Variants in ATOSA observed in about 807,000 individuals in gnomAD.
ATOSA encodes the protein atos homolog A, also known as atos homolog protein A.
At chr15:52,696,147 G>A in the ATOSA span, among the ~76,000 whole-genome samples, 2 of 152,162 alleles carry the variant, frequency 1.3e-5, no homozygotes, top group African/African-American at 4.8e-5. Context: ...GAGACACATG[G>A]AAACTAACTA....
At chr15:52,684,152 A>G in the ATOSA span, among the ~76,000 whole-genome samples, 1 of 152,220 alleles carries the variant, frequency 6.6e-6, no homozygotes, top group East Asian at 1.9e-4. Flanking sequence ...TCTGGCCAAT[A>G]CAGTAGCTAT....
chr15:52,604,727 G>GT, the ATOSA span, among the ~76,000 whole-genome samples: 119 of 152,336 alleles, frequency 7.8e-4, no homozygotes, highest in Non-Finnish European at 1.5e-3. Context: ...AAATCTATTA[G>GT]TAATTGAGGA....
the ATOSA span, among the ~76,000 whole-genome samples, chr15:52,602,389 A>AT: frequency 1.3e-5 from 2 of 152,162 alleles, no homozygotes; most frequent in Non-Finnish European, 1.5e-5. Flanking sequence ...GAGTTCCTAT[A>AT]TGTGCATCCT....
At chr15:52,682,008 T>A in the ATOSA span, among the ~76,000 whole-genome samples, 1 of 152,318 alleles carries the variant, frequency 6.6e-6, no homozygotes, top group African/African-American at 2.4e-5. Context: ...TCCCTAGCAC[T>A]TAGTAAAGAA....
At chr15:52,668,067 C>T in the ATOSA span, among the ~76,000 whole-genome samples, 134,394 of 152,256 alleles carry the variant, frequency 0.88, 59,435 homozygotes, top group East Asian at 1. Flanking sequence ...GGCATATATA[C>T]CCAAAGGAAA....
the ATOSA span, chr15:52,584,950 G>T: frequency 6.3e-7 from 1 of 1,589,224 alleles, no homozygotes. Flanking sequence ...AAGGTCTGAA[G>T]AAACAATATA....
chr15:52,582,391 GAACAA>G, the ATOSA span: 1 of 1,200,904 alleles, frequency 8.3e-7, no homozygotes, highest in Non-Finnish European at 1.1e-6. Flanking sequence ...AAAGTAGGAA[GAACAA>G]ATCTTGCTAC....
At chr15:52,648,470 G>A in the ATOSA span, among the ~76,000 whole-genome samples, 1 of 151,788 alleles carries the variant, frequency 6.6e-6, no homozygotes, top group Non-Finnish European at 1.5e-5. Context: ...CTTTGTGCTG[G>A]GAACATTACA....
the ATOSA span, among the ~76,000 whole-genome samples, chr15:52,605,630 A>G: frequency 6.6e-6 from 1 of 152,050 alleles, no homozygotes; most frequent in Admixed American, 6.6e-5. Context: ...TTTACACACA[A>G]TATATATATA....
chr15:52,707,999 C>T, the ATOSA span, among the ~76,000 whole-genome samples: 2 of 152,138 alleles, frequency 1.3e-5, no homozygotes, highest in African/African-American at 4.8e-5. Flanking sequence ...ACCTTATTAC[C>T]AGAGGCTGAA....
chr15:52,621,296 T>C, the ATOSA span, among the ~76,000 whole-genome samples: 1 of 152,192 alleles, frequency 6.6e-6, no homozygotes, highest in Non-Finnish European at 1.5e-5. Context: ...AGCACAGACA[T>C]ACATACAACA....
chr15:52,647,241 T>TA, the ATOSA span, among the ~76,000 whole-genome samples: 302 of 150,936 alleles, frequency 2.0e-3, 1 homozygote, highest in East Asian at 0.025. Flanking sequence ...TTAGTTTATG[T>TA]AAAAAAAAAA....
At chr15:52,695,063 T>G in the ATOSA span, among the ~76,000 whole-genome samples, 27 of 152,080 alleles carry the variant, frequency 1.8e-4, no homozygotes, top group Non-Finnish European at 3.5e-4. Flanking sequence ...AAGCTGGGAT[T>G]ACAGGCGTGC....
At chr15:52,696,799 T>G in the ATOSA span, among the ~76,000 whole-genome samples, 1 of 151,822 alleles carries the variant, frequency 6.6e-6, no homozygotes, top group East Asian at 1.9e-4. Flanking sequence ...ATTTTGTATT[T>G]CAACATTATT....
At chr15:52,637,453 T>C in the ATOSA span, among the ~76,000 whole-genome samples, 1 of 152,196 alleles carries the variant, frequency 6.6e-6, no homozygotes, top group Non-Finnish European at 1.5e-5. Flanking sequence ...AGTTTCCTAT[T>C]TACCATTATC....
the ATOSA span, among the ~76,000 whole-genome samples, chr15:52,682,852 C>T: frequency 6.6e-6 from 1 of 152,178 alleles, no homozygotes; most frequent in African/African-American, 2.4e-5. Flanking sequence ...AAATTCAGTA[C>T]AGTTAATTTC....
the ATOSA span, among the ~76,000 whole-genome samples, chr15:52,692,845 CTT>C: frequency 6.6e-6 from 1 of 150,570 alleles, no homozygotes; most frequent in South Asian, 2.1e-4. Flanking sequence ...GAGATGGAGT[CTT>C]ACTCTGTTGA....
chr15:52,584,614 T>A, the ATOSA span: 1 of 722,168 alleles, frequency 1.4e-6, no homozygotes, highest in Non-Finnish European at 2.2e-6. Context: ...TCTTGGCACA[T>A]CATCAAGAGT....
At chr15:52,619,346 T>C in the ATOSA span, among the ~76,000 whole-genome samples, 4 of 152,194 alleles carry the variant, frequency 2.6e-5, no homozygotes, top group African/African-American at 9.7e-5. Flanking sequence ...CTGAAGAATA[T>C]GACTAATTTT....
Sources: gnomAD v4.1 joint callset for allele counts (sites outside exome capture counted in the v4.1 genomes callset) on GRCh38, gnomAD v4.1.1 for gene constraint, MANE v1.5 for transcripts, NCBI Gene and HGNC (gene_info 2026-07-23, HGNC 2026-07-21) for gene names.